The following SLCO5A1 variants were observed in gnomAD, a reference collection of about 807,000 sequenced individuals.
SLCO5A1 encodes solute carrier organic anion transporter family member 5A1, also known as organic anion transporter polypeptide-related protein 4.
SLCO5A1 carries 39 observed loss-of-function variants against 65.1 expected under a neutral mutation model. The ratio of observed to expected loss-of-function variants is 0.60; its 90% CI spans 0.46 to 0.78. SLCO5A1 has a LOEUF of 0.78. Ranked by LOEUF, SLCO5A1 falls within the 30% of genes least tolerant of loss-of-function variation. SLCO5A1 has a pLI of 0.00. For synonymous variants in SLCO5A1, 438 were observed against 415.7 expected, an observed-to-expected ratio of 1.05 and a Z score of -0.65; for missense variants, 1,029 against 1,069.4, an observed-to-expected ratio of 0.96 and a Z score of 0.53.
At chr8:69,745,960 T>C (rs996160840) in intron 4 of SLCO5A1, among the ~76,000 whole-genome samples, 1 of 152,222 alleles carries the variant, frequency 6.6e-6, no homozygotes, top group African/African-American at 2.4e-5. Flanking sequence ...TTTAGGATCT[T>C]GTTTTAAAAG....
At chr8:69,767,616 G>A (rs1352539346) in intron 2 of SLCO5A1, among the ~76,000 whole-genome samples, 2 of 151,992 alleles carry the variant, frequency 1.3e-5, no homozygotes, top group East Asian at 3.9e-4. Flanking sequence ...TTTAGGCCAG[G>A]CATGGTGGCT....
intron 5 of SLCO5A1, among the ~76,000 whole-genome samples, chr8:69,723,393 A>G (rs961614333): frequency 6.6e-6 from 1 of 151,898 alleles, no homozygotes; most frequent in African/African-American, 2.4e-5. Context: ...CTGGGACCAC[A>G]GGCACAAGCC....
intron 2 of SLCO5A1, among the ~76,000 whole-genome samples, chr8:69,764,102 A>T (rs1044517692): frequency 6.6e-6 from 1 of 152,164 alleles, no homozygotes; most frequent in Non-Finnish European, 1.5e-5. Flanking sequence ...TGACCTCGTG[A>T]TCCACCCACT....
intron 4 of SLCO5A1, among the ~76,000 whole-genome samples, chr8:69,751,547 CT>C (rs762744953): frequency 1.4e-3 from 193 of 141,094 alleles, no homozygotes; most frequent in Middle Eastern, 3.8e-3. Flanking sequence ...AAATAATTTT[CT>C]TTTTTTTTTT....
intron 2 of SLCO5A1, among the ~76,000 whole-genome samples, chr8:69,763,038 G>A (rs566889376): frequency 1.3e-4 from 20 of 152,266 alleles, no homozygotes; most frequent in African/African-American, 3.4e-4. Context: ...GGCCAGGCAC[G>A]GTGGGTCACG....
In SLCO5A1 at chr8:69,832,043, G is replaced by C; in HGVS notation, c.631C>G (p.Leu211Val). The C allele has an allele frequency of 3.1e-6, 5 of 1,611,858 alleles. No individual in the cohort carries two copies. Among genetic ancestry groups the C allele is most frequent in the East Asian group, 4.5e-5 (2 of 44,870 alleles). ...GAGATGAAGTGAGGTAAGGCGAAGA[G>C]GGCTGCCCCGAAGGCGATGAGGAGT... is the stretch of plus-strand genomic sequence containing the variant. ...GGLLIAFGAA[L>V]FALPHFISPP... The change falls in exon 2 of 10, where the codon CTC (leucine) becomes GTC (valine). Residue 211 changes from leucine (L) to valine (V), a missense_variant. By Grantham distance (32) the Leu-to-Val change is conservative (BLOSUM62 1). Around this residue, in one of 3 missense-constraint regions of SLCO5A1, gnomAD observed 647 missense variants for 647.5 expected, o/e 1.00. Coordinates refer to ENST00000260126, the MANE Select transcript of SLCO5A1 (RefSeq NM_030958.3). The surrounding 1 kb of genome is among the most constrained non-coding windows in gnomAD (Gnocchi z 4.5).
chr8:69,713,404 A>G (rs1168508263), intron 5 of SLCO5A1: 1 of 152,210 alleles, frequency 6.6e-6, no homozygotes, highest in Non-Finnish European at 1.5e-5. Flanking sequence ...CAGAATGAGT[A>G]CCTAGAAAAG....
At chr8:69,737,961 A>G in intron 5 of SLCO5A1, 79 bp downstream of exon 5, 2 of 1,480,044 alleles carry the variant, frequency 1.4e-6, no homozygotes, top group East Asian at 2.3e-5. Context: ...TCGATGTTAG[A>G]TTGAACTTTC....
chr8:69,831,988 G>A lies in SLCO5A1; in HGVS notation c.686C>T (p.Ala229Val). 6.3e-7 allele frequency: 1 copy of A among 1,595,374 alleles called. No homozygotes were observed. Among genetic ancestry groups the A allele is most frequent in the African/African-American group, 1.3e-5 (1 of 74,508 alleles). Residue 229 changes from alanine to valine, a missense_variant, in exon 2 of 10, where the codon GCC becomes GTC. By Grantham distance (64) the Ala-to-Val change is moderately conservative (BLOSUM62 0). This residue lies in a region of SLCO5A1 where 647 missense variants were observed against 647.5 expected (regional missense o/e 1.00). Transcript: ENST00000260126. ...SPPYQIQELN[A>V]SAPNDGLCQG... ...ACACAGGCCGTCGTTGGGGGCCGAGGCGTTCAACTCTTGGATCTGGTAGGG... is the reference window on the plus strand; with the variant it reads ...ACACAGGCCGTCGTTGGGGGCCGAGACGTTCAACTCTTGGATCTGGTAGGG...
intron 5 of SLCO5A1, among the ~76,000 whole-genome samples, chr8:69,716,369 T>C (rs1467243711): frequency 2.0e-5 from 3 of 151,692 alleles, no homozygotes; most frequent in Admixed American, 6.5e-5. Context: ...CTGGATCATA[T>C]GTTAACTCTG....
intron 3 of SLCO5A1, among the ~76,000 whole-genome samples, chr8:69,760,331 A>C (rs1054554128): frequency 2.0e-5 from 3 of 152,194 alleles, no homozygotes; most frequent in Non-Finnish European, 4.4e-5. Context: ...GTATGATTTA[A>C]AAATTCTACC....
chr8:69,673,458 T>A (rs751254752), intron 9 of SLCO5A1, 132 bp from the exon 10 acceptor site: 112 of 707,854 alleles, frequency 1.6e-4, no homozygotes, highest in Non-Finnish European at 2.3e-4. Context: ...GTTACCAGAT[T>A]TTTTTTAAGA....
chr8:69,677,216 A>G (rs1199560268), intron 8 of SLCO5A1, among the ~76,000 whole-genome samples: 2 of 152,210 alleles, frequency 1.3e-5, no homozygotes, highest in Non-Finnish European at 2.9e-5. Flanking sequence ...TAAGCCCTCC[A>G]ACCACATCTT....
At chr8:69,715,987 G>T (rs1395633969) in intron 5 of SLCO5A1, among the ~76,000 whole-genome samples, 1 of 151,952 alleles carries the variant, frequency 6.6e-6, no homozygotes, top group Non-Finnish European at 1.5e-5. Flanking sequence ...GCCCTCCCTT[G>T]CCCCGCACTG....
At chr8:69,727,720 G>A (rs550382322) in intron 5 of SLCO5A1, among the ~76,000 whole-genome samples, 1 of 152,234 alleles carries the variant, frequency 6.6e-6, no homozygotes, top group East Asian at 1.9e-4. Context: ...ATTCCCAAAA[G>A]CTGTATAGGC....
chr8:69,684,290 G>A (rs1813916403), intron 6 of SLCO5A1, among the ~76,000 whole-genome samples: 1 of 152,126 alleles, frequency 6.6e-6, no homozygotes, highest in Non-Finnish European at 1.5e-5. Context: ...CACAACTGAG[G>A]GGGTGCTACG....
chr8:69,802,333 T>C (rs1819777808), intron 2 of SLCO5A1, among the ~76,000 whole-genome samples: 1 of 151,792 alleles, frequency 6.6e-6, no homozygotes, highest in Non-Finnish European at 1.5e-5. Context: ...TGAGACCTCA[T>C]CTCTACAAAA....
At chr8:69,825,014 CAAAGACAAAAACCA>C (rs1480131897) in intron 2 of SLCO5A1, among the ~76,000 whole-genome samples, 1 of 151,964 alleles carries the variant, frequency 6.6e-6, no homozygotes, top group African/African-American at 2.4e-5. Flanking sequence ...TAAACAGAAC[CAAAGACAAAAACCA>C]CATGATTATC....
intron 5 of SLCO5A1, among the ~76,000 whole-genome samples, chr8:69,727,236 T>G (rs1269792369): frequency 6.6e-6 from 1 of 152,042 alleles, no homozygotes; most frequent in Non-Finnish European, 1.5e-5. Flanking sequence ...GATAGATGGA[T>G]GAATGGGCGA....
Sources: allele counts gnomAD v4.1 joint callset (sites outside exome capture counted in the v4.1 genomes callset), GRCh38; gene constraint gnomAD v4.1.1; regional missense constraint gnomAD v4.1.1; non-coding constraint Gnocchi (gnomAD v3.1); transcripts MANE v1.5; gene names NCBI Gene and HGNC (gene_info 2026-07-23, HGNC 2026-07-21).